DCTN4: variants seen among roughly 807,000 people sequenced by gnomAD.
The protein encoded by DCTN4 is dynactin 4 (p62).
DCTN4 carries 23 observed loss-of-function variants against 62.7 expected under a neutral mutation model. The ratio of observed to expected loss-of-function variants is 0.37; its 90% CI spans 0.26 to 0.52. DCTN4 has a LOEUF of 0.52. DCTN4 is among the 20% of genes least tolerant of loss of function. DCTN4 has a pLI of 0.92. For missense variants in DCTN4, 514 were observed against 580.4 expected, an observed-to-expected ratio of 0.89 and a Z score of 1.18; for synonymous variants, 199 against 202.1, an observed-to-expected ratio of 0.98 and a Z score of 0.13.
chr5:150,726,182 A>C (rs192411031), intron 8 of DCTN4, among the ~76,000 whole-genome samples: 2 of 152,352 alleles, frequency 1.3e-5, no homozygotes, highest in Admixed American at 1.3e-4. Context: ...TGAGAGTTCC[A>C]GTATTTATGT....
At chr5:150,732,394 C>A (rs1399111043) in intron 5 of DCTN4, among the ~76,000 whole-genome samples, 1 of 152,078 alleles carries the variant, frequency 6.6e-6, no homozygotes, top group Non-Finnish European at 1.5e-5. Context: ...CAAGTGATCC[C>A]CCCGCCTCAG....
chr5:150,719,378 A>G (rs1261008689), intron 10 of DCTN4, among the ~76,000 whole-genome samples: 1 of 152,226 alleles, frequency 6.6e-6, no homozygotes. Flanking sequence ...ACTGAATCCT[A>G]GTACCTGAAA....
intron 4 of DCTN4, among the ~76,000 whole-genome samples, chr5:150,737,117 CA>C (rs1760610467): frequency 6.6e-6 from 1 of 152,090 alleles, no homozygotes; most frequent in South Asian, 2.1e-4. Context: ...ATTTATAAAA[CA>C]ATTACTACTA....
chr5:150,749,908 G>T lies in DCTN4; in HGVS notation c.385+3571C>A, dbSNP rs1752611409. Among the ~76,000 whole-genome samples the T allele has an allele frequency of 3.9e-5, 6 of 152,008 alleles. No individual in the cohort carries two copies. In the South Asian group the frequency reaches 1.2e-3, roughly 32 times the overall value. ...ACAGAATACTACTCAACAATAAGAA[G>T]AAATAATATAAAGAAGAAACACAGA... On this transcript the variant is annotated intron_variant, in intron 3 of 12. Coordinates refer to ENST00000447998, the MANE Select transcript of DCTN4 (RefSeq NM_016221.4).
At chr5:150,744,361 A>T (rs1050217338) in intron 3 of DCTN4, among the ~76,000 whole-genome samples, 4 of 151,864 alleles carry the variant, frequency 2.6e-5, no homozygotes, top group African/African-American at 9.7e-5. Flanking sequence ...GTTGGAAAAC[A>T]CTCTGCAGGA....
In DCTN4 at chr5:150,715,653, G is replaced by A. The variant is rs1466552160; in HGVS notation, c.1081C>T (p.Pro361Ser). The A allele has an allele frequency of 6.2e-7, 1 of 1,614,030 alleles. No individual in the cohort carries two copies. The highest frequency in any genetic ancestry group is 8.5e-7 in the Non-Finnish European group (1 of 1,179,964). Residue 361 changes from proline (P) to serine (S), a missense_variant, in exon 12 of 13, where the codon CCT becomes TCT. Pro to Ser is a moderately conservative substitution (Grantham distance 74). Coordinates refer to ENST00000447998, the MANE Select transcript of DCTN4 (RefSeq NM_016221.4). ...DINSTAKVVV[P>S]PKELVLAGKD... is the part of the protein sequence containing the mutation. ...CCAGCTAAAACGAGCTCTTTGGGAG[G>A]CACCACCACCTGGAGAGCAACACAG...
intron 8 of DCTN4, among the ~76,000 whole-genome samples, chr5:150,723,410 A>G (rs1372801231): frequency 6.6e-6 from 1 of 152,238 alleles, no homozygotes; most frequent in Non-Finnish European, 1.5e-5. Context: ...GCCAATAAAA[A>G]TGGACACTGG....
chr5:150,728,252 CTTTCT>C (rs774538102), intron 8 of DCTN4, among the ~76,000 whole-genome samples: 38 of 152,096 alleles, frequency 2.5e-4, no homozygotes, highest in Non-Finnish European at 4.3e-4. Flanking sequence ...TTAATAAAAA[CTTTCT>C]TTTAACTGAA....
chr5:150,744,431 T>C (rs892690390), intron 3 of DCTN4, among the ~76,000 whole-genome samples: 4 of 151,706 alleles, frequency 2.6e-5, no homozygotes, highest in African/African-American at 9.7e-5. Context: ...ATTCAGGAAA[T>C]ACAGAGAATG....
intron 3 of DCTN4, 117 bp from the exon 4 acceptor site, chr5:150,742,274 C>CTGGTCTATATAACTATAGACCAGAA: frequency 1.0e-6 from 1 of 974,234 alleles, no homozygotes; most frequent in Non-Finnish European, 1.6e-6. Flanking sequence ...ATAGACCATT[C>CTGGTCTATATAACTATAGACCAGAA]TGGTCTATAT....
intron 3 of DCTN4, among the ~76,000 whole-genome samples, chr5:150,747,161 C>T (rs1470739867): frequency 6.6e-6 from 1 of 151,996 alleles, no homozygotes; most frequent in African/African-American, 2.4e-5. Context: ...AAACAGAGAG[C>T]CAAATCATGA....
chr5:150,742,272 TTCTGG>T, intron 3 of DCTN4, 115 bp from the exon 4 acceptor site: 1 of 983,926 alleles, frequency 1.0e-6, no homozygotes, highest in East Asian at 2.4e-5. Flanking sequence ...ATATAGACCA[TTCTGG>T]TCTATATAAC....
intron 11 of DCTN4, among the ~76,000 whole-genome samples, chr5:150,717,179 G>C (rs1328909883): frequency 6.6e-6 from 1 of 152,158 alleles, no homozygotes; most frequent in African/African-American, 2.4e-5. Flanking sequence ...ACTAGAAGTA[G>C]CAAAATATAA....
intron 3 of DCTN4, among the ~76,000 whole-genome samples, chr5:150,748,384 C>A (rs1260652791): frequency 6.6e-6 from 1 of 152,092 alleles, no homozygotes; most frequent in Non-Finnish European, 1.5e-5. Flanking sequence ...TGTGGCGATT[C>A]CTCAGGGATC....
At position 150,728,651 on chromosome 5, in the gene DCTN4, T is replaced by A. The variant is rs546042747; in HGVS notation, c.834+1980A>T. Among the ~76,000 whole-genome samples the A allele has an allele frequency of 2.4e-4, 36 of 152,300 alleles. 1 individual carries two copies. In the South Asian group the frequency reaches 7.5e-3, roughly 32 times the overall value. On this transcript the variant is annotated intron_variant, in intron 8 of 12. Coordinates refer to ENST00000447998, the MANE Select transcript of DCTN4 (RefSeq NM_016221.4). ...TTTTTTAAACAAATTATCCCTCTTT[T>A]AAAAAAATTAGTGTTTGTCCAATAT...
chr5:150,725,664 T>C (rs935015232), intron 8 of DCTN4, among the ~76,000 whole-genome samples: 7 of 152,222 alleles, frequency 4.6e-5, no homozygotes, highest in Non-Finnish European at 7.3e-5. Context: ...AGTTGTATCC[T>C]GCAAGTTTTG....
intron 9 of DCTN4, among the ~76,000 whole-genome samples, chr5:150,722,027 T>C (rs527567146): frequency 6.6e-6 from 1 of 152,264 alleles, no homozygotes; most frequent in East Asian, 1.9e-4. Flanking sequence ...GGTCTTACTA[T>C]GTTGTCCAGG....
At chr5:150,742,907 G>A (rs949445775) in intron 3 of DCTN4, 13 of 158,080 alleles carry the variant, frequency 8.2e-5, no homozygotes, top group South Asian at 4.0e-4. Flanking sequence ...CGCAGAAGAC[G>A]GGTGATTTCT....
chr5:150,726,240 G>A (rs550557234), intron 8 of DCTN4, among the ~76,000 whole-genome samples: 1 of 152,202 alleles, frequency 6.6e-6, no homozygotes, highest in South Asian at 2.1e-4. Flanking sequence ...GGTATTGACA[G>A]TAAATCTCCT....
Sources: allele counts gnomAD v4.1 joint callset (sites outside exome capture counted in the v4.1 genomes callset), GRCh38; gene constraint gnomAD v4.1.1; transcripts MANE v1.5; gene names NCBI Gene and HGNC (gene_info 2026-07-23, HGNC 2026-07-21).